The following CHODL variants were observed in gnomAD, a reference collection of about 807,000 sequenced individuals.
CHODL encodes the protein chondrolectin, also known as transmembrane protein MT75.
Under a neutral mutation model 34.5 loss-of-function variants are expected in CHODL, and 29 were observed. The ratio of observed to expected loss-of-function variants is 0.84; its 90% CI spans 0.63 to 1.15. CHODL has a LOEUF of 1.15. Ranked by LOEUF, CHODL falls within the 50% of genes most tolerant of loss-of-function variation. The probability of loss-of-function intolerance (pLI) is 0.00; values close to 1 mark genes in which losing one functional copy is unlikely to be tolerated. For synonymous variants in CHODL, 125 were observed against 116.1 expected (o/e 1.08, Z -0.49); for missense variants, 332 against 332.5 (o/e 1.00, Z 0.01).
intron 1 of CHODL, among the ~76,000 whole-genome samples, chr21:17,948,152 T>C (rs1381150899): frequency 6.6e-6 from 1 of 151,806 alleles, no homozygotes; most frequent in African/African-American, 2.4e-5. Context: ...CTACAAAAGG[T>C]TGAAGTATGG....
At chr21:17,974,205 T>C (rs1043983467) in intron 1 of CHODL, among the ~76,000 whole-genome samples, 1 of 152,174 alleles carries the variant, frequency 6.6e-6, no homozygotes, top group African/African-American at 2.4e-5. Flanking sequence ...ATAAATAACC[T>C]GGTTAGTGGG....
At chr21:18,013,164 A>G (rs1048820848) in intron 1 of CHODL, among the ~76,000 whole-genome samples, 4 of 152,078 alleles carry the variant, frequency 2.6e-5, no homozygotes, top group Admixed American at 1.3e-4. Context: ...TGCACTCTCT[A>G]TTGACTCATT....
intron 2 of CHODL, among the ~76,000 whole-genome samples, chr21:18,156,655 TA>T (rs1238359104): frequency 1.3e-5 from 2 of 152,152 alleles, no homozygotes; most frequent in Non-Finnish European, 2.9e-5. Context: ...AACATCAAAT[TA>T]AAATATGTTT....
intron 1 of CHODL, among the ~76,000 whole-genome samples, chr21:17,943,081 T>C (rs1038170491): frequency 6.6e-6 from 1 of 152,202 alleles, no homozygotes; most frequent in African/African-American, 2.4e-5. Context: ...CTATTAAACC[T>C]CTTTTCTTTA....
intron 2 of CHODL, among the ~76,000 whole-genome samples, chr21:18,099,366 T>G (rs1055274845): frequency 4.0e-5 from 6 of 151,808 alleles, no homozygotes; most frequent in African/African-American, 1.4e-4. Flanking sequence ...GTATACCTAC[T>G]GAGTACCCAC....
chr21:18,016,308 CTCAGGCTGTTACT>C (rs2064073077), intron 1 of CHODL, among the ~76,000 whole-genome samples: 3 of 152,312 alleles, frequency 2.0e-5, no homozygotes. Context: ...CAAGGTGGAG[CTCAGGCTGTTACT>C]TTAGAGGATG....
chr21:17,938,697 C>T, intron 1 of CHODL, among the ~76,000 whole-genome samples: 1 of 151,958 alleles, frequency 6.6e-6, no homozygotes, highest in East Asian at 1.9e-4. Flanking sequence ...CCAGGATGGT[C>T]TCGATCTCCT....
At chr21:18,232,819 A>G (rs2073992146) in intron 2 of CHODL, among the ~76,000 whole-genome samples, 1 of 151,470 alleles carries the variant, frequency 6.6e-6, no homozygotes, top group Admixed American at 6.6e-5. Flanking sequence ...ACAGCAGGAT[A>G]TATTATGTTT....
intron 1 of CHODL, among the ~76,000 whole-genome samples, chr21:17,961,546 G>A (rs2063532293): frequency 6.6e-6 from 1 of 152,174 alleles, no homozygotes; most frequent in South Asian, 2.1e-4. Flanking sequence ...GTGGCTAGGG[G>A]AAGGATATCA....
chr21:18,058,633 A>C (rs183874076), intron 2 of CHODL, among the ~76,000 whole-genome samples: 126 of 151,990 alleles, frequency 8.3e-4, no homozygotes, highest in African/African-American at 3.0e-3. Context: ...TGTGGGAGAA[A>C]AAAGTTGAAC....
At chr21:18,048,390 G>T (rs2064471123) in intron 2 of CHODL, among the ~76,000 whole-genome samples, 1 of 151,946 alleles carries the variant, frequency 6.6e-6, no homozygotes, top group African/African-American at 2.4e-5. Context: ...AGCAATTTGG[G>T]TGGAATTAAA....
intron 1 of CHODL, among the ~76,000 whole-genome samples, chr21:17,959,173 A>C (rs2063514197): frequency 1.3e-5 from 2 of 152,148 alleles, no homozygotes; most frequent in African/African-American, 4.8e-5. Flanking sequence ...TTCTGCCCCC[A>C]GCTTAAGTCC....
At position 18,256,835 on chromosome 21, in the gene CHODL, A is replaced by G. The variant is rs772259583; in HGVS notation, c.389+17A>G. On this transcript the variant is annotated intron_variant, in intron 2 of 5. Transcript: ENST00000299295. Reference sequence around the variant, plus strand: ...CCAGTACCGGTGAGTATGGATCTTGAGCAGTTGGCAGGTGCTCTGGGGAAC... The same window carrying G: ...CCAGTACCGGTGAGTATGGATCTTGGGCAGTTGGCAGGTGCTCTGGGGAAC... 12 of 1,603,256 alleles carry G rather than the reference A, an allele frequency of 7.5e-6. No individual in the cohort carries two copies. Among genetic ancestry groups the G allele is most frequent in the Admixed American group, 1.7e-5 (1 of 59,496 alleles).
intron 2 of CHODL, among the ~76,000 whole-genome samples, chr21:18,238,048 C>A (rs1410541744): frequency 6.6e-6 from 1 of 151,982 alleles, no homozygotes; most frequent in East Asian, 1.9e-4. Flanking sequence ...TCAGGGAAAG[C>A]CTTTCTGTAG....
At chr21:18,194,748 T>TCCCAC (rs2073562455) in intron 2 of CHODL, among the ~76,000 whole-genome samples, 1 of 152,160 alleles carries the variant, frequency 6.6e-6, no homozygotes, top group Admixed American at 6.5e-5. Context: ...TACATACTTA[T>TCCCAC]CATTTTTCGT....
intron 1 of CHODL, among the ~76,000 whole-genome samples, chr21:17,950,414 A>G (rs932601941): frequency 6.6e-6 from 1 of 152,012 alleles, no homozygotes; most frequent in Non-Finnish European, 1.5e-5. Context: ...CATATTACAG[A>G]GATGATGCTA....
chr21:18,155,828 C>T (rs1407282388), intron 2 of CHODL, among the ~76,000 whole-genome samples: 1 of 152,198 alleles, frequency 6.6e-6, no homozygotes, highest in Non-Finnish European at 1.5e-5. Context: ...TGATTTAATT[C>T]TAGTCTTTTG....
chr21:17,996,898 T>G (rs572393602), intron 1 of CHODL, among the ~76,000 whole-genome samples: 2 of 152,316 alleles, frequency 1.3e-5, no homozygotes, highest in South Asian at 4.1e-4. Flanking sequence ...CATAAAATTC[T>G]ATGAGGGTAA....
chr21:17,936,664 G>A (rs1039438105), intron 1 of CHODL, among the ~76,000 whole-genome samples: 2 of 152,154 alleles, frequency 1.3e-5, no homozygotes, highest in Non-Finnish European at 2.9e-5. Flanking sequence ...GAAAGATGCC[G>A]TGGACATAAG....
Sources: allele counts gnomAD v4.1 joint callset (sites outside exome capture counted in the v4.1 genomes callset), GRCh38; gene constraint gnomAD v4.1.1; transcripts MANE v1.5; gene names NCBI Gene and HGNC (gene_info 2026-07-23, HGNC 2026-07-21).